Variants in CSMD1 observed in about 807,000 individuals in gnomAD.
CSMD1 encodes the protein CUB and Sushi multiple domains 1, also known as CUB and sushi domain-containing protein 1.
A neutral mutation model predicts 417.5 loss-of-function variants in CSMD1; 213 were observed. That is an observed-to-expected ratio of 0.51 (90% confidence interval 0.46 to 0.57). CSMD1 has a LOEUF of 0.57. CSMD1 is among the 20% of genes least tolerant of loss of function. CSMD1 has a pLI of 0.00. For synonymous variants in CSMD1, 2,862 were observed against 1,736.8 expected (o/e 1.65, Z -16.11); for missense variants, 6,923 against 4,529.7 (o/e 1.53, Z -15.17).
intron 2 of CSMD1, among the ~76,000 whole-genome samples, chr8:4,633,720 C>G (rs1031148721): frequency 1.3e-5 from 2 of 152,030 alleles, no homozygotes; most frequent in African/African-American, 4.8e-5. Context: ...CCATGTCCAG[C>G]TAATTTTTTT....
At chr8:3,299,033 T>A (rs1392069759) in intron 25 of CSMD1, among the ~76,000 whole-genome samples, 3 of 152,152 alleles carry the variant, frequency 2.0e-5, no homozygotes, top group African/African-American at 7.2e-5. Context: ...GTCTCATGAC[T>A]CCAACAAAAA....
chr8:3,766,916 G>C (rs538505525), intron 5 of CSMD1, among the ~76,000 whole-genome samples: 1 of 152,068 alleles, frequency 6.6e-6, no homozygotes, highest in Non-Finnish European at 1.5e-5. Flanking sequence ...CAGTCAGCTG[G>C]TAAGATATCC....
chr8:3,491,339 G>A (rs1185543725), intron 11 of CSMD1, among the ~76,000 whole-genome samples: 1 of 152,136 alleles, frequency 6.6e-6, no homozygotes, highest in East Asian at 1.9e-4. Flanking sequence ...CAATGATAAA[G>A]CAATGATATT....
intron 5 of CSMD1, among the ~76,000 whole-genome samples, chr8:3,905,998 G>C (rs561798915): frequency 6.6e-6 from 1 of 152,032 alleles, no homozygotes; most frequent in Non-Finnish European, 1.5e-5. Context: ...ATGGTTGTTA[G>C]GCCTGGAGTT....
At chr8:4,046,598 C>A (rs1217601961) in intron 3 of CSMD1, among the ~76,000 whole-genome samples, 1 of 152,120 alleles carries the variant, frequency 6.6e-6, no homozygotes, top group East Asian at 1.9e-4. Flanking sequence ...TGAAGACCTA[C>A]TGTTGATTGT....
chr8:3,194,654 G>A (rs1401990210), intron 33 of CSMD1, among the ~76,000 whole-genome samples: 1 of 149,628 alleles, frequency 6.7e-6, no homozygotes, highest in East Asian at 2.0e-4. Context: ...ACTTTTAGTA[G>A]AGATGGGATT....
At chr8:4,174,657 A>C (rs1249927267) in intron 3 of CSMD1, among the ~76,000 whole-genome samples, 2 of 145,164 alleles carry the variant, frequency 1.4e-5, no homozygotes, top group African/African-American at 5.3e-5. Flanking sequence ...GAATTATAGG[A>C]AACAGACCCA....
At chr8:3,320,817 G>C (rs543014951) in intron 23 of CSMD1, among the ~76,000 whole-genome samples, 1 of 152,236 alleles carries the variant, frequency 6.6e-6, no homozygotes, top group African/African-American at 2.4e-5. Context: ...CCCGCCTGCA[G>C]AGCGAGGGCG....
intron 3 of CSMD1, among the ~76,000 whole-genome samples, chr8:4,340,866 G>T (rs1022664108): frequency 6.6e-6 from 1 of 151,990 alleles, no homozygotes; most frequent in Non-Finnish European, 1.5e-5. Context: ...TACTATTTTT[G>T]ATATTAACTA....
chr8:3,118,525 C>T lies in CSMD1; in HGVS notation c.6304G>A (p.Asp2102Asn). ...GATACTGATTGCCCCACGCTGTAATCCGAGTTGATCATGTACCCATTCTGA... is the reference window on the plus strand; with the variant it reads ...GATACTGATTGCCCCACGCTGTAATTCGAGTTGATCATGTACCCATTCTGA... ...PFQNGYMINS[D>N]YSVGQSVSFE... Residue 2102 changes from aspartate (D) to asparagine (N), a missense_variant, in exon 42 of 70, where the codon GAT (aspartate) becomes AAT (asparagine). Physicochemically the swap from Asp to Asn is conservative, Grantham distance 23. Transcript: ENST00000635120. 1 of 1,613,912 alleles carries T rather than the reference C, an allele frequency of 6.2e-7. No homozygotes were observed. The highest frequency in any genetic ancestry group is 8.5e-7 in the Non-Finnish European group (1 of 1,179,854).
At chr8:4,322,928 T>C (rs2128885280) in intron 3 of CSMD1, among the ~76,000 whole-genome samples, 1 of 152,312 alleles carries the variant, frequency 6.6e-6, no homozygotes, top group Non-Finnish European at 1.5e-5. Context: ...GAGGTTGCAG[T>C]GAGCCTAGAT....
intron 25 of CSMD1, among the ~76,000 whole-genome samples, chr8:3,294,541 C>T (rs989963869): frequency 7.1e-6 from 1 of 140,638 alleles, no homozygotes; most frequent in South Asian, 2.6e-4. Context: ...CTCCCCCAGC[C>T]TCGCTGCAGC....
At chr8:4,647,866 G>A (rs918143554) in intron 1 of CSMD1, among the ~76,000 whole-genome samples, 2 of 152,180 alleles carry the variant, frequency 1.3e-5, no homozygotes, top group Non-Finnish European at 2.9e-5. Context: ...AAATAGTACT[G>A]CAGTAGACAT....
intron 2 of CSMD1, among the ~76,000 whole-genome samples, chr8:4,579,795 G>A (rs777661337): frequency 4.0e-5 from 6 of 151,866 alleles, no homozygotes; most frequent in African/African-American, 9.7e-5. Context: ...TCCATTATTG[G>A]CTTACTTGTG....
chr8:4,698,790 C>A (rs1261803709), intron 1 of CSMD1, among the ~76,000 whole-genome samples: 1 of 151,556 alleles, frequency 6.6e-6, no homozygotes, highest in Non-Finnish European at 1.5e-5. Flanking sequence ...AAAAACAATT[C>A]TTGCTTCTTA....
At chr8:3,926,079 C>CA (rs1809665221) in intron 5 of CSMD1, among the ~76,000 whole-genome samples, 19 of 81,424 alleles carry the variant, frequency 2.3e-4, no homozygotes, top group African/African-American at 8.4e-4. Context: ...CACACAAACA[C>CA]CATACACACA....
chr8:3,796,341 TATATCTATCATGTATAGATATAG>T lies in CSMD1; in HGVS notation c.819-42322_819-42300del, dbSNP rs1267166988. On this transcript the variant is annotated intron_variant, in intron 5 of 69. Coordinates refer to ENST00000635120, the MANE Select transcript of CSMD1 (RefSeq NM_033225.6). Reference sequence around the variant, plus strand: ...TATCTATCATGTATAGATATAGATATATATCTATCATGTATAGATATAGATATCTATCATGTATATATATATCT... The same window carrying T: ...TATCTATCATGTATAGATATAGATATATATCTATCATGTATATATATATCT... Among the ~76,000 whole-genome samples, 8 of 96,042 alleles carry T rather than the reference TATATCTATCATGTATAGATATAG, an allele frequency of 8.3e-5. 3 individuals carry two copies. The highest frequency in any genetic ancestry group is 1.6e-4 in the Non-Finnish European group (8 of 49,034). The allele number at this position is 96,042 out of a possible 152,430, so 63.0% of individuals were successfully genotyped here. A position where few individuals can be genotyped will look rare whatever the true frequency, so the allele number is the denominator to read the frequency against.
chr8:3,424,963 T>C (rs571387642), intron 12 of CSMD1, among the ~76,000 whole-genome samples: 61 of 152,150 alleles, frequency 4.0e-4, no homozygotes, highest in African/African-American at 1.4e-3. Flanking sequence ...GCCCCTGGAG[T>C]GGCTGGGACA....
chr8:4,239,309 C>A (rs933087612), intron 3 of CSMD1, among the ~76,000 whole-genome samples: 1 of 152,208 alleles, frequency 6.6e-6, no homozygotes, highest in African/African-American at 2.4e-5. Flanking sequence ...GTGGGCAACA[C>A]CAGTGCTAAG....
Sources: gnomAD v4.1 joint callset for allele counts (sites outside exome capture counted in the v4.1 genomes callset) on GRCh38, gnomAD v4.1.1 for gene constraint, MANE v1.5 for transcripts, NCBI Gene and HGNC (gene_info 2026-07-23, HGNC 2026-07-21) for gene names.